ZFAT: variants seen among roughly 807,000 people sequenced by gnomAD.
ZFAT encodes the protein zinc finger protein ZFAT.
A neutral mutation model predicts 117.7 loss-of-function variants in ZFAT; 64 were observed. The observed-to-expected ratio is 0.54, with a 90% CI of 0.44 to 0.67. The LOEUF (loss-of-function observed/expected upper bound fraction) is 0.67. ZFAT is among the 30% of genes least tolerant of loss of function. The pLI is 0.00. For synonymous variants in ZFAT, 679 were observed against 615.0 expected (o/e 1.10, Z -1.54); for missense variants, 1,433 against 1,584.5 (o/e 0.90, Z 1.62).
intron 3 of ZFAT, among the ~76,000 whole-genome samples, chr8:134,613,481 G>A (rs1301457617): frequency 2.0e-5 from 3 of 152,238 alleles, no homozygotes; most frequent in Non-Finnish European, 4.4e-5. Flanking sequence ...CTGAGCTGGC[G>A]TTGGTGGAGA....
chr8:134,481,659 C>T (rs1817314724), intron 15 of ZFAT, among the ~76,000 whole-genome samples: 1 of 152,224 alleles, frequency 6.6e-6, no homozygotes, highest in South Asian at 2.1e-4. Flanking sequence ...TGTCCCCTGG[C>T]AGCACAGGGG....
chr8:134,703,010 T>C (rs1473465394), intron 1 of ZFAT, among the ~76,000 whole-genome samples: 2 of 152,240 alleles, frequency 1.3e-5, no homozygotes, highest in Non-Finnish European at 2.9e-5. Flanking sequence ...GTCTCGGGTA[T>C]GTCTTTCTCA....
At chr8:134,537,278 C>T (rs1379504091) in intron 11 of ZFAT, among the ~76,000 whole-genome samples, 21 of 152,210 alleles carry the variant, frequency 1.4e-4, no homozygotes. Flanking sequence ...ACTTGGTTTG[C>T]ATCAGATTTG....
chr8:134,632,971 C>A (rs1045500247), intron 3 of ZFAT, among the ~76,000 whole-genome samples: 1 of 152,146 alleles, frequency 6.6e-6, no homozygotes, highest in Non-Finnish European at 1.5e-5. Flanking sequence ...GCTGACACAA[C>A]CCAGGATGAA....
At chr8:134,806,872 A>G in the ZFAT span, among the ~76,000 whole-genome samples, 1 of 152,228 alleles carries the variant, frequency 6.6e-6, no homozygotes, top group Non-Finnish European at 1.5e-5. Flanking sequence ...TCTAGACACA[A>G]TCTTTGTAAT....
chr8:134,681,289 C>A (rs1164726183), intron 1 of ZFAT, among the ~76,000 whole-genome samples: 1 of 152,108 alleles, frequency 6.6e-6, no homozygotes, highest in Non-Finnish European at 1.5e-5. Context: ...GACCCCACAC[C>A]TCTGCCCAGT....
At chr8:134,767,959 A>G in the ZFAT span, among the ~76,000 whole-genome samples, 2 of 152,170 alleles carry the variant, frequency 1.3e-5, no homozygotes, top group Admixed American at 6.5e-5. Context: ...CCAGTTAAAC[A>G]TATAACAGAT....
At chr8:134,662,184 T>C (rs1002767660) in intron 1 of ZFAT, among the ~76,000 whole-genome samples, 8 of 152,112 alleles carry the variant, frequency 5.3e-5, no homozygotes, top group Admixed American at 5.2e-4. Flanking sequence ...AGGTAGCTCT[T>C]TGGGGTTTCT....
At chr8:134,621,449 C>T (rs1024228095) in intron 3 of ZFAT, among the ~76,000 whole-genome samples, 1 of 152,118 alleles carries the variant, frequency 6.6e-6, no homozygotes, top group African/African-American at 2.4e-5. Context: ...CTATTATGTA[C>T]ATGGCATGTG....
chr8:134,554,065 C>G (rs2130714886), intron 11 of ZFAT, among the ~76,000 whole-genome samples: 2 of 152,342 alleles, frequency 1.3e-5, no homozygotes, highest in Admixed American at 1.3e-4. Flanking sequence ...CCTTGCATGA[C>G]AGCTGGCAGA....
the ZFAT span, among the ~76,000 whole-genome samples, chr8:134,729,374 C>T: frequency 6.6e-6 from 1 of 152,236 alleles, no homozygotes; most frequent in African/African-American, 2.4e-5. Flanking sequence ...CTCTATCACC[C>T]AGGCTGGAGT....
intron 1 of ZFAT, among the ~76,000 whole-genome samples, chr8:134,666,366 TCATAA>T (rs1018907985): frequency 3.9e-4 from 60 of 152,350 alleles, no homozygotes; most frequent in African/African-American, 1.4e-3. Context: ...ATCCAGACTC[TCATAA>T]CATAATACTG....
the ZFAT span, among the ~76,000 whole-genome samples, chr8:134,813,329 C>A: frequency 6.6e-6 from 1 of 152,196 alleles, no homozygotes; most frequent in African/African-American, 2.4e-5. Flanking sequence ...CATGGATAAC[C>A]GAGATGGGCA....
At chr8:134,791,531 CTG>C in the ZFAT span, among the ~76,000 whole-genome samples, 41 of 152,178 alleles carry the variant, frequency 2.7e-4, no homozygotes, top group Admixed American at 1.0e-3. Flanking sequence ...TTGTGGTTAG[CTG>C]TGTGTATATT....
At chr8:134,825,637 GGAGT>G in the ZFAT span, among the ~76,000 whole-genome samples, 204 of 152,308 alleles carry the variant, frequency 1.3e-3, 1 homozygote, top group African/African-American at 4.7e-3. Flanking sequence ...AAAGGAAAAA[GGAGT>G]GAGAGAAGCA....
chr8:134,614,274 C>T (rs949972143), intron 3 of ZFAT, among the ~76,000 whole-genome samples: 2 of 152,190 alleles, frequency 1.3e-5, no homozygotes, highest in Admixed American at 6.5e-5. Flanking sequence ...TTATCTCCTA[C>T]CCCTTTGGGC....
At chr8:134,564,770 T>C (rs1211209023) in intron 11 of ZFAT, among the ~76,000 whole-genome samples, 2 of 152,208 alleles carry the variant, frequency 1.3e-5, no homozygotes, top group East Asian at 1.9e-4. Flanking sequence ...CTAGTGATTG[T>C]TGTCAATAAT....
At chr8:134,794,239 TA>T in the ZFAT span, 1 of 152,224 alleles carries the variant, frequency 6.6e-6, no homozygotes, top group African/African-American at 2.4e-5. Context: ...TAATATAAGA[TA>T]TTTACTGTAA....
intron 11 of ZFAT, among the ~76,000 whole-genome samples, chr8:134,556,435 A>G (rs1823628955): frequency 6.6e-6 from 1 of 152,134 alleles, no homozygotes; most frequent in Non-Finnish European, 1.5e-5. Flanking sequence ...GGTTGAGAAC[A>G]GTCCAAAACT....
Sources: allele counts gnomAD v4.1 joint callset (sites outside exome capture counted in the v4.1 genomes callset), GRCh38; gene constraint gnomAD v4.1.1; transcripts MANE v1.5; gene names NCBI Gene and HGNC (gene_info 2026-07-23, HGNC 2026-07-21).